GYS2: variants seen among roughly 807,000 people sequenced by gnomAD.
The protein encoded by GYS2 is glycogen synthase 2, also known as glycogen [starch] synthase, liver.
Under a neutral mutation model 85.6 loss-of-function variants are expected in GYS2, and 80 were observed. The observed-to-expected ratio is 0.93, with a 90% confidence interval of 0.78 to 1.13. The LOEUF is 1.13. Among genes scored for constraint, GYS2 ranks in the 50% most tolerant of loss-of-function variants. The pLI is 0.00. For missense variants in GYS2, 881 were observed against 854.9 expected, an observed-to-expected ratio of 1.03 and a Z score of -0.38; for synonymous variants, 328 against 300.7, an observed-to-expected ratio of 1.09 and a Z score of -0.94.
At chr12:21,559,829 G>C (rs1180132564) in intron 8 of GYS2, 119 bp from the exon 9 acceptor site, 3 of 699,444 alleles carry the variant, frequency 4.3e-6, no homozygotes, top group Non-Finnish European at 7.5e-6. Flanking sequence ...GAAATTACAG[G>C]TATCTTTTTT....
downstream of GYS2, among the ~76,000 whole-genome samples, chr12:21,533,944 G>A (rs796074309): frequency 7.2e-5 from 11 of 152,282 alleles, no homozygotes; most frequent in African/African-American, 2.6e-4. Context: ...CTCACGTGGT[G>A]GAAAGGGCAA....
In GYS2 at chr12:21,566,937, G is replaced by A. The variant is rs74066710; in HGVS notation, c.823+1928C>T. ...AAAGCAGGACCTAGAATAGAATCTT[G>A]GAGAATGTCCACTTTGAAAAGTAAA... On this transcript the variant is annotated intron_variant, in intron 5 of 15. Coordinates refer to ENST00000261195, the MANE Select transcript of GYS2 (RefSeq NM_021957.4). 5.3e-3 allele frequency among the ~76,000 whole-genome samples: 804 copies of A among 152,190 alleles called. 16 individuals are homozygous for A. The highest frequency in any genetic ancestry group is 0.019 in the African/African-American group (777 of 41,512).
chr12:21,537,032 C>T lies in GYS2; in HGVS notation c.2034G>A (p.Arg678=), dbSNP rs115682999. Residue 678 remains arginine (R), a synonymous_variant, in exon 16 of 16, where the codon CGG becomes CGA. Transcript: ENST00000261195. ...YDEEEEAERD[R]LNIKSPFSLS... ...GTGAAAATGGTGACTTGATATTTAACCGATCCCTTTCAGCCTCCTCTTCCT... is the reference window on the plus strand; with the variant it reads ...GTGAAAATGGTGACTTGATATTTAATCGATCCCTTTCAGCCTCCTCTTCCT... 7 of 1,614,000 alleles carry T rather than the reference C, an allele frequency of 4.3e-6. No individual in the cohort carries two copies. The highest frequency in any genetic ancestry group is 2.7e-5 in the African/African-American group (2 of 75,022).
chr12:21,537,013 A>C lies in GYS2; in HGVS notation c.2053T>G (p.Phe685Val). ...CCATGAGGAACGTGGCTCAGTGAAA[A>C]TGGTGACTTGATATTTAACCGATCC... ...ERDRLNIKSP[F>V]SLSHVPHGKK... The change falls in exon 16 of 16, where the codon TTT (phenylalanine) becomes GTT (valine). Residue 685 changes from phenylalanine to valine, a missense_variant. By Grantham distance (50) the Phe-to-Val change is conservative (BLOSUM62 -1). Transcript: ENST00000261195. 1 of 1,614,048 alleles carries C rather than the reference A, an allele frequency of 6.2e-7. No homozygotes were observed. Among genetic ancestry groups the C allele is most frequent in the Non-Finnish European group, 8.5e-7 (1 of 1,179,964 alleles).
intron 7 of GYS2, among the ~76,000 whole-genome samples, chr12:21,561,846 T>A: frequency 6.6e-6 from 1 of 152,220 alleles, no homozygotes; most frequent in Admixed American, 6.5e-5. Flanking sequence ...TAAATTTTTT[T>A]AGCATATTTG....
Position 21,546,392 on chromosome 12 carries a change from G to A in GYS2, c.1501C>T (p.His501Tyr). Residue 501 changes from histidine to tyrosine, a missense_variant, in exon 12 of 16, where the codon CAT becomes TAT. Transcript: ENST00000261195. ...TAGTATGATGGAAATACTCCAAGAT[G>A]ACAACCTCTAACAAACTCTTCATAG... The part of the protein sequence containing the change: ...MDYEEFVRGC[H>Y]LGVFPSYYEP... The A allele has an allele frequency of 6.3e-7, 1 of 1,599,512 alleles. No individual in the cohort carries two copies. The highest frequency in any genetic ancestry group is 2.2e-5 in the East Asian group (1 of 44,724).
At chr12:21,561,929 T>C (rs1944258020) in intron 7 of GYS2, among the ~76,000 whole-genome samples, 2 of 152,182 alleles carry the variant, frequency 1.3e-5, no homozygotes, top group Non-Finnish European at 2.9e-5. Flanking sequence ...AGTACAGAAC[T>C]CAGGAAAGTT....
Position 21,562,920 on chromosome 12 carries a change from T to A in GYS2, c.1060A>T (p.Arg354Trp). Residue 354 changes from arginine (R) to tryptophan (W), a missense_variant and splice_region_variant, in exon 7 of 16, where the codon AGG becomes TGG. Arg to Trp is a moderately radical substitution (Grantham distance 101). Coordinates refer to ENST00000261195, the MANE Select transcript of GYS2 (RefSeq NM_021957.4). ...ESLSRLNFLL[R>W]MHKSDITVMV... is the part of the protein sequence containing the mutation. ...ACCATGTCCTAGAGCTTTCTTACCC[T>A]CAGCAGGAAATTTAGCCTGGATAAG... is the stretch of plus-strand genomic sequence containing the variant. 6 of 1,612,080 alleles carry A rather than the reference T, an allele frequency of 3.7e-6. No homozygotes were observed. The highest frequency in any genetic ancestry group is 5.1e-6 in the Non-Finnish European group (6 of 1,178,264).
At chr12:21,585,040 A>G (rs976917866) in intron 1 of GYS2, among the ~76,000 whole-genome samples, 1 of 152,192 alleles carries the variant, frequency 6.6e-6, no homozygotes, top group African/African-American at 2.4e-5. Flanking sequence ...AAGGCTGTGT[A>G]TGCTCTGAAT....
At chr12:21,563,907 C>T (rs573958866) in intron 5 of GYS2, among the ~76,000 whole-genome samples, 1 of 152,306 alleles carries the variant, frequency 6.6e-6, no homozygotes, top group East Asian at 1.9e-4. Flanking sequence ...GTATGGGACA[C>T]CTTTTGTGCA....
At chr12:21,585,602 C>T (rs1944563822) in intron 1 of GYS2, among the ~76,000 whole-genome samples, 1 of 148,708 alleles carries the variant, frequency 6.7e-6, no homozygotes, top group Non-Finnish European at 1.5e-5. Flanking sequence ...GAGGTGCTTG[C>T]TGAGGGCAAA....
At chr12:21,589,038 A>T (rs975900333) in intron 1 of GYS2, among the ~76,000 whole-genome samples, 13 of 152,232 alleles carry the variant, frequency 8.5e-5, no homozygotes, top group African/African-American at 3.1e-4. Flanking sequence ...CATCTTTTCC[A>T]GGAGAATATA....
At chr12:21,546,635 G>C (rs887084963) in intron 11 of GYS2, among the ~76,000 whole-genome samples, 165 bp from the exon 12 acceptor site, 2 of 152,140 alleles carry the variant, frequency 1.3e-5, no homozygotes, top group Non-Finnish European at 2.9e-5. Context: ...AGCCGTGGTG[G>C]TTTGTTCTCC....
downstream of GYS2, among the ~76,000 whole-genome samples, chr12:21,534,177 C>T (rs1041841467): frequency 6.6e-6 from 1 of 152,144 alleles, no homozygotes; most frequent in Non-Finnish European, 1.5e-5. Context: ...CTTGACTTAC[C>T]ATGGATTTAT....
At chr12:21,550,966 G>C (rs1161759744) in intron 11 of GYS2, among the ~76,000 whole-genome samples, 1 of 151,440 alleles carries the variant, frequency 6.6e-6, no homozygotes, top group Non-Finnish European at 1.5e-5. Flanking sequence ...AGAGAAAGAA[G>C]ACAAACTATT....
At chr12:21,540,879 G>T (rs1354086018) in intron 13 of GYS2, among the ~76,000 whole-genome samples, 20 of 152,060 alleles carry the variant, frequency 1.3e-4, no homozygotes, top group Non-Finnish European at 1.5e-5. Context: ...GCGGGGCCTG[G>T]ATATCTGTGC....
At chr12:21,546,760 T>A (rs1013814478) in intron 11 of GYS2, among the ~76,000 whole-genome samples, 11 of 152,218 alleles carry the variant, frequency 7.2e-5, no homozygotes, top group African/African-American at 2.4e-4. Context: ...CACTAAACTA[T>A]ATCCTCCAGT....
At chr12:21,545,296 G>T (rs1193293420) in intron 12 of GYS2, among the ~76,000 whole-genome samples, 1 of 152,098 alleles carries the variant, frequency 6.6e-6, no homozygotes, top group Non-Finnish European at 1.5e-5. Context: ...ACAAAAATTA[G>T]CCAGGCGTGG....
At chr12:21,570,533 C>G (rs1468657434) in intron 4 of GYS2, among the ~76,000 whole-genome samples, 1 of 152,240 alleles carries the variant, frequency 6.6e-6, no homozygotes, top group Non-Finnish European at 1.5e-5. Context: ...ATTCATCTTT[C>G]TATCTCCAAA....
Sources: allele counts gnomAD v4.1 joint callset (sites outside exome capture counted in the v4.1 genomes callset), GRCh38; gene constraint gnomAD v4.1.1; transcripts MANE v1.5; gene names NCBI Gene and HGNC (gene_info 2026-07-23, HGNC 2026-07-21).